Variants in ANK3 observed in about 807,000 individuals in gnomAD.
ANK3 encodes ankyrin 3.
In ANK3, 57 loss-of-function variants were observed where a neutral mutation model predicts 370.9. That is an observed-to-expected ratio of 0.15 (90% confidence interval 0.12 to 0.19). The LOEUF (loss-of-function observed/expected upper bound fraction) is 0.19, where lower values mean the gene tolerates loss of function less well. Ranked by LOEUF, ANK3 falls within the 10% of genes least tolerant of loss-of-function variation. The pLI is 1.00. For synonymous variants in ANK3, 1,929 were observed against 1,946.3 expected (o/e 0.99, Z 0.23); for missense variants, 4,439 against 5,302.1 (o/e 0.84, Z 5.06).
intron 28 of ANK3, among the ~76,000 whole-genome samples, chr10:60,103,235 C>T (rs372258652): frequency 7.8e-4 from 118 of 152,214 alleles, no homozygotes; most frequent in African/African-American, 2.6e-3. Flanking sequence ...CAGGCGTGAA[C>T]CACACTGCAC....
chr10:60,481,175 G>C (rs1354855440), intron 2 of ANK3, among the ~76,000 whole-genome samples: 1 of 152,102 alleles, frequency 6.6e-6, no homozygotes, highest in Non-Finnish European at 1.5e-5. Context: ...GAACAACAGA[G>C]GATACTGTTT....
intron 1 of ANK3, among the ~76,000 whole-genome samples, chr10:60,716,210 T>C (rs1380908040): frequency 6.6e-6 from 1 of 152,054 alleles, no homozygotes; most frequent in African/African-American, 2.4e-5. Context: ...CGTTCTAGTA[T>C]AGAATTAACT....
chr10:60,212,675 T>C (rs1188944406), intron 9 of ANK3, among the ~76,000 whole-genome samples: 1 of 152,114 alleles, frequency 6.6e-6, no homozygotes, highest in African/African-American at 2.4e-5. Flanking sequence ...CTGACCAGAG[T>C]GAAGACAGAA....
intron 2 of ANK3, among the ~76,000 whole-genome samples, chr10:60,511,486 T>C (rs1203086400): frequency 6.6e-6 from 1 of 152,176 alleles, no homozygotes; most frequent in Non-Finnish European, 1.5e-5. Context: ...AAGTTCCATC[T>C]CTGAATTACA....
At chr10:60,117,367 A>T (rs1044517802) in intron 25 of ANK3, among the ~76,000 whole-genome samples, 1 of 152,200 alleles carries the variant, frequency 6.6e-6, no homozygotes, top group African/African-American at 2.4e-5. Context: ...AAGCGAGATG[A>T]GGTAAGTAGA....
At chr10:60,082,317 C>A in intron 34 of ANK3, 141 bp from the exon 35 acceptor site, 1 of 826,976 alleles carries the variant, frequency 1.2e-6, no homozygotes, top group Non-Finnish European at 1.9e-6. Context: ...TAAAAAAAGC[C>A]AACAAAAAAT....
At chr10:60,701,837 G>A (rs762058760) in intron 1 of ANK3, among the ~76,000 whole-genome samples, 29 of 152,056 alleles carry the variant, frequency 1.9e-4, no homozygotes, top group Admixed American at 4.6e-4. Flanking sequence ...AGCCTATTAC[G>A]TTTAAAACTA....
At position 60,469,005 on chromosome 10, in the gene ANK3, ATATATATATATATACCACTTTTAGTG is replaced by A. The variant is rs1310438217; in HGVS notation, c.96+146155_96+146180del. Among the ~76,000 whole-genome samples, 81 of 101,568 alleles carry A rather than the reference ATATATATATATATACCACTTTTAGTG, an allele frequency of 8.0e-4. 6 individuals carry two copies. The highest frequency in any genetic ancestry group is 2.0e-3 in the African/African-American group (57 of 28,374). The allele number at this position is 101,568 out of a possible 152,430, so 66.6% of individuals were successfully genotyped here. On this transcript the variant is annotated intron_variant, in intron 2 of 43. Transcript: ENST00000373827. ...TATACCACTTTTAGTGTGTATATATATATATATATATATACCACTTTTAGTGTATATATATATATATATATATATAC... is the reference window on the plus strand; with the variant it reads ...TATACCACTTTTAGTGTGTATATATATATATATATATATATATATATATAC...
At chr10:60,512,775 T>C (rs2076120339) in intron 2 of ANK3, among the ~76,000 whole-genome samples, 1 of 152,160 alleles carries the variant, frequency 6.6e-6, no homozygotes, top group African/African-American at 2.4e-5. Flanking sequence ...ACTTCTGTGT[T>C]ATCATTTGGA....
In ANK3 at chr10:60,362,903, C is replaced by T. The variant is rs114319940; in HGVS notation, c.114+26522G>A. 5.2e-3 allele frequency among the ~76,000 whole-genome samples: 788 copies of T among 152,186 alleles called. 4 individuals carry two copies. The highest frequency in any genetic ancestry group is 0.011 in the South Asian group (55 of 4,818). ...TGAGGAATTTGGGAAAGGCTTTACCCGGGGACATTAGAGCTGGTCCTGGAG... is the reference window on the plus strand; with the variant it reads ...TGAGGAATTTGGGAAAGGCTTTACCTGGGGACATTAGAGCTGGTCCTGGAG... On this transcript the variant is annotated intron_variant, in intron 1 of 43. Transcript: ENST00000280772.
intron 16 of ANK3, among the ~76,000 whole-genome samples, chr10:60,187,172 T>TATTTTATTTTATTTTA (rs79417458): frequency 6.7e-6 from 1 of 149,434 alleles, no homozygotes; most frequent in African/African-American, 2.5e-5. Context: ...TATTTTATTT[T>TATTTTATTTTATTTTA]TTGAGACAGA....
intron 1 of ANK3, among the ~76,000 whole-genome samples, chr10:60,283,780 G>A (rs1030783394): frequency 6.6e-5 from 10 of 152,044 alleles, no homozygotes; most frequent in Non-Finnish European, 1.0e-4. Context: ...GAAAGAATAA[G>A]CATTTTCAGA....
In ANK3 at chr10:60,200,217, G is replaced by C; in HGVS notation, c.1403C>G (p.Thr468Arg). 1 of 1,613,950 alleles carries C rather than the reference G, an allele frequency of 6.2e-7. No homozygotes were observed. The highest frequency in any genetic ancestry group is 8.5e-7 in the Non-Finnish European group (1 of 1,179,894). Residue 468 changes from threonine to arginine, a missense_variant, in exon 13 of 44, where the codon ACA becomes AGA. Physicochemically the swap from Thr to Arg is moderately conservative, Grantham distance 71 (BLOSUM62 -1). Coordinates refer to ENST00000280772, the MANE Select transcript of ANK3 (RefSeq NM_020987.5). ...SPNTTNVRGE[T>R]ALHMAARSGQ... ...GGAGCGAGCTGCCATGTGCAGTGCT[G>C]TTTCTCCTCTCTGGGGAACATGAGC...
intron 2 of ANK3, among the ~76,000 whole-genome samples, chr10:60,611,307 C>T (rs962871648): frequency 6.6e-6 from 1 of 152,122 alleles, no homozygotes; most frequent in Non-Finnish European, 1.5e-5. Flanking sequence ...AGAGGAAGGA[C>T]ACACCTGGCC....
chr10:60,481,013 C>A (rs146303783), intron 2 of ANK3, among the ~76,000 whole-genome samples: 2 of 152,274 alleles, frequency 1.3e-5, no homozygotes, highest in East Asian at 3.9e-4. Context: ...CGCTGGACTT[C>A]CGAAGCTTAA....
chr10:60,643,345 C>T (rs909330083), intron 1 of ANK3, among the ~76,000 whole-genome samples: 1 of 152,104 alleles, frequency 6.6e-6, no homozygotes, highest in Non-Finnish European at 1.5e-5. Context: ...GCCTCCCAGC[C>T]TACATCTTTC....
chr10:60,481,725 A>G (rs1486343858), intron 2 of ANK3, among the ~76,000 whole-genome samples: 1 of 152,182 alleles, frequency 6.6e-6, no homozygotes, highest in African/African-American at 2.4e-5. Flanking sequence ...CGGCCTCCCA[A>G]AGTGCTGGGA....
intron 38 of ANK3, among the ~76,000 whole-genome samples, chr10:60,064,647 C>T (rs2081253944): frequency 6.6e-6 from 1 of 150,596 alleles, no homozygotes; most frequent in Non-Finnish European, 1.5e-5. Flanking sequence ...GGCAACATGG[C>T]AAAACCCCGG....
chr10:60,307,362 C>T (rs751093151), intron 1 of ANK3, among the ~76,000 whole-genome samples: 3 of 151,858 alleles, frequency 2.0e-5, no homozygotes, highest in Non-Finnish European at 4.4e-5. Flanking sequence ...AGACAGAGTC[C>T]CAGTCTGTCA....
Sources: gnomAD v4.1 joint callset for allele counts (sites outside exome capture counted in the v4.1 genomes callset) on GRCh38, gnomAD v4.1.1 for gene constraint, MANE v1.5 for transcripts, NCBI Gene and HGNC (gene_info 2026-07-23, HGNC 2026-07-21) for gene names.